The following MTSS1 variants were observed in gnomAD, a reference collection of about 807,000 sequenced individuals.
MTSS1 encodes the protein MTSS I-BAR domain containing 1.
Under a neutral mutation model 79.0 loss-of-function variants are expected in MTSS1, and 18 were observed. The ratio of observed to expected loss-of-function variants is 0.23; its 90% CI spans 0.16 to 0.34. MTSS1 has a LOEUF of 0.34. MTSS1 is among the 10% of genes least tolerant of loss of function. The probability of loss-of-function intolerance (pLI) is 1.00; values close to 1 mark genes in which losing one functional copy is unlikely to be tolerated. For synonymous variants in MTSS1, 341 were observed against 368.6 expected (o/e 0.93, Z 0.86); for missense variants, 815 against 986.2 (o/e 0.83, Z 2.33).
intron 3 of MTSS1, among the ~76,000 whole-genome samples, chr8:124,609,180 G>C (rs1462635746): frequency 2.6e-5 from 4 of 152,218 alleles, no homozygotes; most frequent in Non-Finnish European, 5.9e-5. Flanking sequence ...AAATATGACT[G>C]TTTGCCAGTT....
intron 9 of MTSS1, among the ~76,000 whole-genome samples, chr8:124,565,165 G>A (rs1047170336): frequency 1.3e-5 from 2 of 152,190 alleles, no homozygotes; most frequent in Non-Finnish European, 2.9e-5. Context: ...AGGTGTGGTC[G>A]TGGTAGTGGT....
intron 3 of MTSS1, among the ~76,000 whole-genome samples, chr8:124,687,838 G>A (rs1395225624): frequency 6.6e-6 from 1 of 152,196 alleles, no homozygotes; most frequent in African/African-American, 2.4e-5. Context: ...TTAAAAGGGC[G>A]CGTATTAAAG....
At chr8:124,579,058 G>A (rs1829540401) in intron 6 of MTSS1, among the ~76,000 whole-genome samples, 1 of 152,192 alleles carries the variant, frequency 6.6e-6, no homozygotes, top group East Asian at 1.9e-4. Flanking sequence ...GGGGGTTGCA[G>A]AGATTTCTCT....
chr8:124,556,552 C>T, intron 11 of MTSS1, 147 bp from the exon 12 acceptor site: 1 of 848,066 alleles, frequency 1.2e-6, no homozygotes, highest in Non-Finnish European at 1.8e-6. Context: ...TCTGCATGCC[C>T]TCTCCAGGCT....
chr8:124,677,029 A>G lies in MTSS1; in HGVS notation c.208+22497T>C, dbSNP rs184304222. ...TATTGAGAATTTTAAAGGCACACAGAAAAAAAAGGGAGTGCTAAGCCTACA... is the reference window on the plus strand; with the variant it reads ...TATTGAGAATTTTAAAGGCACACAGGAAAAAAAGGGAGTGCTAAGCCTACA... On this transcript the variant is annotated intron_variant, in intron 3 of 13. Coordinates refer to ENST00000518547, the MANE Select transcript of MTSS1 (RefSeq NM_014751.6). Among the ~76,000 whole-genome samples the G allele has an allele frequency of 1.9e-3, 282 of 152,148 alleles. 2 individuals carry two copies. Among genetic ancestry groups the G allele is most frequent in the African/African-American group, 6.4e-3 (264 of 41,496 alleles).
intron 3 of MTSS1, among the ~76,000 whole-genome samples, chr8:124,696,847 G>C (rs1048942576): frequency 4.2e-5 from 5 of 118,768 alleles, no homozygotes; most frequent in African/African-American, 1.4e-4. Context: ...GCAAGAGTCC[G>C]TCTCAAAAAA....
At chr8:124,702,833 A>G (rs781413396) in intron 2 of MTSS1, among the ~76,000 whole-genome samples, 8 of 152,214 alleles carry the variant, frequency 5.3e-5, no homozygotes, top group African/African-American at 9.7e-5. Flanking sequence ...AAAATGTCCT[A>G]TCCTTCATGA....
chr8:124,567,631 T>C, intron 7 of MTSS1: 1 of 1,399,014 alleles, frequency 7.1e-7, no homozygotes, highest in Non-Finnish European at 9.3e-7. Flanking sequence ...TCCCCTTCTT[T>C]CTTGTGCTTT....
rs200475758 is a variant in MTSS1, at chr8:124,634,306, GT to G, written c.209-43072del. Reference sequence around the variant, plus strand: ...TTTTTGTTGTTGTTGTTGTTTTGTAGTTTTTTTTATAGTTTTTTTTTGTAGA... The same window carrying G: ...TTTTTGTTGTTGTTGTTGTTTTGTAGTTTTTTTATAGTTTTTTTTTGTAGA... On this transcript the variant is annotated intron_variant, in intron 3 of 13. Coordinates refer to ENST00000518547, the MANE Select transcript of MTSS1 (RefSeq NM_014751.6). Among the ~76,000 whole-genome samples, 28 of 147,272 alleles carry G rather than the reference GT, an allele frequency of 1.9e-4. No homozygotes were observed. In the East Asian group the frequency reaches 5.3e-3, roughly 28 times the overall value.
At position 124,555,941 on chromosome 8, in the gene MTSS1, A is replaced by AGG. The variant is rs3841189; in HGVS notation, c.1405-39_1405-38dup. 5.7e-5 allele frequency: 81 copies of AGG among 1,422,602 alleles called. No homozygotes were observed. In the African/African-American group the frequency reaches 9.5e-4, roughly 17 times the overall value. 88.1% of individuals were successfully genotyped at this position (1,422,602 alleles called of 1,614,324 possible). ...AGGAGAGAAATACACAGGTTGCTTT[A>AGG]GGGGGGGGGCTCAACAGCACTCCTG... On this transcript the variant is annotated intron_variant, in intron 12 of 13. Coordinates refer to ENST00000518547, the MANE Select transcript of MTSS1 (RefSeq NM_014751.6).
chr8:124,697,595 AC>A (rs772109008), intron 3 of MTSS1, among the ~76,000 whole-genome samples: 67 of 151,838 alleles, frequency 4.4e-4, no homozygotes, highest in South Asian at 1.2e-3. Flanking sequence ...CAAAAAAAAA[AC>A]CCTATACTGA....
rs1830218595 is a variant in MTSS1 at position 124,582,539 on chromosome 8, G to A, written c.460+2548C>T. Among the ~76,000 whole-genome samples, 1 of 152,108 alleles carries A rather than the reference G, an allele frequency of 6.6e-6. No individual in the cohort carries two copies. Among genetic ancestry groups the A allele is most frequent in the African/African-American group, 2.4e-5 (1 of 41,408 alleles). ...CAGAGTTTTTGAAAAAGGCATGGCA[G>A]GAAGCTGCTTGAGAATCTCCTGGAA... On this transcript the variant is annotated intron_variant, in intron 6 of 13. Coordinates refer to ENST00000518547, the MANE Select transcript of MTSS1 (RefSeq NM_014751.6). The surrounding 1 kb of genome is among the most constrained non-coding windows in gnomAD (Gnocchi z 4.8).
chr8:124,611,115 C>CG (rs947725502), intron 3 of MTSS1, among the ~76,000 whole-genome samples: 5 of 149,292 alleles, frequency 3.3e-5, no homozygotes, highest in African/African-American at 1.2e-4. Flanking sequence ...GACCCCCCCC[C>CG]CCCAGCATGT....
intron 3 of MTSS1, among the ~76,000 whole-genome samples, chr8:124,694,283 G>A (rs1370849740): frequency 6.6e-6 from 1 of 152,016 alleles, no homozygotes. Context: ...CCATCTGCTT[G>A]TGTCAGCAAG....
chr8:124,662,397 T>TAA (rs372173973), intron 3 of MTSS1, among the ~76,000 whole-genome samples: 1 of 151,880 alleles, frequency 6.6e-6, no homozygotes, highest in African/African-American at 2.4e-5. Context: ...TACTTCTGAA[T>TAA]AAAAAAAATA....
At chr8:124,570,887 G>A (rs1476339111) in intron 6 of MTSS1, among the ~76,000 whole-genome samples, 3 of 151,930 alleles carry the variant, frequency 2.0e-5, no homozygotes, top group Admixed American at 6.6e-5. Flanking sequence ...TTGGCCAGAC[G>A]GTCTTGAACT....
rs2133491245 is a variant in MTSS1, at chr8:124,619,490, C to G, written c.209-28255G>C. 1.3e-5 allele frequency: 2 copies of G among 152,488 alleles called. 1 individual carries two copies. The highest frequency in any genetic ancestry group is 3.9e-4 in the East Asian group (2 of 5,188). The allele number at this position is 152,488 out of a possible 1,614,324, so 9.4% of individuals were successfully genotyped here. ...TCCTCTGCCAAGACTAAGCTTCTTG[C>G]AGGTGGGGCTCCCCTCTCTTGCACG... On this transcript the variant is annotated intron_variant, in intron 3 of 13. Coordinates refer to ENST00000518547, the MANE Select transcript of MTSS1 (RefSeq NM_014751.6).
intron 10 of MTSS1, 102 bp from the exon 11 acceptor site, chr8:124,557,977 C>G: frequency 1.1e-6 from 1 of 876,700 alleles, no homozygotes; most frequent in Admixed American, 2.8e-5. Context: ...GAGGGGAAAC[C>G]TGAATATTTA....
intron 3 of MTSS1, among the ~76,000 whole-genome samples, chr8:124,629,137 A>G (rs1248818173): frequency 6.6e-6 from 1 of 152,202 alleles, no homozygotes; most frequent in African/African-American, 2.4e-5. Flanking sequence ...CATAAGCACT[A>G]TCATCACCCC....
Sources: allele counts gnomAD v4.1 joint callset (sites outside exome capture counted in the v4.1 genomes callset), GRCh38; gene constraint gnomAD v4.1.1; non-coding constraint Gnocchi (gnomAD v3.1); transcripts MANE v1.5; gene names NCBI Gene and HGNC (gene_info 2026-07-23, HGNC 2026-07-21).